PDE4B: variants seen among roughly 807,000 people sequenced by gnomAD.
The protein encoded by PDE4B is phosphodiesterase 4B.
Under a neutral mutation model 82.2 loss-of-function variants are expected in PDE4B, and 20 were observed. That is an observed-to-expected ratio of 0.24 (90% CI 0.17 to 0.35). PDE4B has a LOEUF of 0.35. PDE4B is among the 10% of genes least tolerant of loss of function. PDE4B has a pLI of 1.00. For missense variants in PDE4B, 655 were observed against 907.2 expected, an observed-to-expected ratio of 0.72 and a Z score of 3.57; for synonymous variants, 320 against 318.9, an observed-to-expected ratio of 1.00 and a Z score of -0.04.
At chr1:66,024,730 T>A (rs946774325) in intron 3 of PDE4B, among the ~76,000 whole-genome samples, 2 of 152,084 alleles carry the variant, frequency 1.3e-5, no homozygotes, top group African/African-American at 4.8e-5. Context: ...GATGAATCTT[T>A]TTCACCATTA....
At chr1:66,293,705 C>T (rs756335396) in intron 7 of PDE4B, among the ~76,000 whole-genome samples, 12 of 152,252 alleles carry the variant, frequency 7.9e-5, no homozygotes, top group Non-Finnish European at 1.0e-4. Context: ...CACACAAAAT[C>T]TTCAGAAAAA....
At chr1:66,117,484 G>A (rs1432046029) in intron 3 of PDE4B, among the ~76,000 whole-genome samples, 1 of 152,042 alleles carries the variant, frequency 6.6e-6, no homozygotes, top group Admixed American at 6.6e-5. Context: ...TAATACTGGT[G>A]GATATAATAT....
chr1:66,049,755 C>T (rs1654913745), intron 3 of PDE4B, among the ~76,000 whole-genome samples: 1 of 151,938 alleles, frequency 6.6e-6, no homozygotes, highest in African/African-American at 2.4e-5. Flanking sequence ...ATGTGGAAGG[C>T]AGCAAGGTGG....
rs1175341881 is a variant in PDE4B at position 66,232,543 on chromosome 1, C to T, written c.282-14917C>T. Among the ~76,000 whole-genome samples the T allele has an allele frequency of 5.9e-5, 9 of 152,118 alleles. No homozygotes were observed. The South Asian group carries it at 1.2e-3, about 21-fold the overall frequency. ...AGCTTGATAAAATCACCTAGGAAAT[C>T]GGTGTAGAAAAAGAAAAGAGCGTAA... On this transcript the variant is annotated intron_variant, in intron 3 of 16. Coordinates refer to ENST00000341517, the MANE Select transcript of PDE4B (RefSeq NM_002600.4).
chr1:66,117,020 CCT>C (rs1299819758), intron 3 of PDE4B, among the ~76,000 whole-genome samples: 1 of 152,130 alleles, frequency 6.6e-6, no homozygotes, highest in Non-Finnish European at 1.5e-5. Context: ...TGCCCCATAC[CCT>C]CTCTTGATCA....
At chr1:66,198,428 C>T (rs1049844234) in intron 3 of PDE4B, among the ~76,000 whole-genome samples, 1 of 152,058 alleles carries the variant, frequency 6.6e-6, no homozygotes, top group African/African-American at 2.4e-5. Flanking sequence ...TTGTATTTGA[C>T]AAAACATTCA....
intron 1 of PDE4B, among the ~76,000 whole-genome samples, chr1:65,863,413 T>C (rs1646476694): frequency 6.6e-6 from 1 of 152,254 alleles, no homozygotes; most frequent in Non-Finnish European, 1.5e-5. Flanking sequence ...TGAGGAGTGC[T>C]TTACTTCCAA....
chr1:66,098,979 C>T (rs1645168224), intron 3 of PDE4B, among the ~76,000 whole-genome samples: 1 of 152,088 alleles, frequency 6.6e-6, no homozygotes, highest in African/African-American at 2.4e-5. Context: ...TTCTCAGATC[C>T]TTTGTTCCTG....
intron 3 of PDE4B, among the ~76,000 whole-genome samples, chr1:66,067,768 C>G (rs1655937525): frequency 1.3e-5 from 2 of 151,910 alleles, no homozygotes; most frequent in African/African-American, 4.8e-5. Flanking sequence ...TTGCCCATGC[C>G]TATGTCCTAT....
intron 3 of PDE4B, among the ~76,000 whole-genome samples, chr1:66,123,630 C>T (rs1404490916): frequency 1.3e-5 from 2 of 151,356 alleles, no homozygotes; most frequent in Non-Finnish European, 2.9e-5. Flanking sequence ...GTTAAGCTGG[C>T]AAATATTGCC....
At chr1:66,297,492 G>A (rs1657593812) in intron 7 of PDE4B, among the ~76,000 whole-genome samples, 1 of 152,060 alleles carries the variant, frequency 6.6e-6, no homozygotes, top group Admixed American at 6.6e-5. Flanking sequence ...CCAAATAAAA[G>A]GATGGCATTG....
At chr1:66,174,617 G>A (rs1000213467) in intron 3 of PDE4B, among the ~76,000 whole-genome samples, 19 of 152,120 alleles carry the variant, frequency 1.2e-4, no homozygotes, top group Middle Eastern at 3.4e-3. Flanking sequence ...TTAGCCAGGC[G>A]TGGTGGCACA....
intron 3 of PDE4B, among the ~76,000 whole-genome samples, chr1:66,036,375 G>T (rs192986553): frequency 1.5e-4 from 23 of 152,080 alleles, no homozygotes; most frequent in Non-Finnish European, 3.2e-4. Flanking sequence ...TGCTTTTGGG[G>T]TCATATCCAA....
chr1:66,090,140 A>G (rs1487007387), intron 3 of PDE4B, among the ~76,000 whole-genome samples: 1 of 152,016 alleles, frequency 6.6e-6, no homozygotes, highest in Non-Finnish European at 1.5e-5. Context: ...ACCTTAGCTA[A>G]TATACAGATA....
At chr1:66,027,359 G>A (rs1305610467) in intron 3 of PDE4B, among the ~76,000 whole-genome samples, 1 of 152,116 alleles carries the variant, frequency 6.6e-6, no homozygotes, top group Non-Finnish European at 1.5e-5. Context: ...TGGCCCCCAT[G>A]AGTCAATTAC....
chr1:65,875,717 C>T (rs12759968), intron 1 of PDE4B, among the ~76,000 whole-genome samples: 17,303 of 147,278 alleles, frequency 0.12, 1,272 homozygotes, highest in Non-Finnish European at 0.17. Context: ...AAGCAAACAC[C>T]GCATATTCTC....
rs75765634 is a variant in PDE4B, at chr1:66,347,107, G to A, written c.748-8420G>A. On this transcript the variant is annotated intron_variant, in intron 8 of 16. Transcript: ENST00000341517. ...GACGTTGGGTTAGCTGAGGTCACTG[G>A]TAAGGCAAACCTGCAACCAGCACTC... is the stretch of plus-strand genomic sequence containing the variant. 4.0e-3 allele frequency among the ~76,000 whole-genome samples: 606 copies of A among 152,200 alleles called. 4 individuals carry two copies. Among genetic ancestry groups the A allele is most frequent in the African/African-American group, 0.014 (561 of 41,534 alleles).
chr1:66,275,765 C>G (rs1557673649), intron 7 of PDE4B, among the ~76,000 whole-genome samples: 1 of 152,154 alleles, frequency 6.6e-6, no homozygotes, highest in African/African-American at 2.4e-5. Flanking sequence ...AGGGAACAGC[C>G]TTTCACCCAA....
chr1:66,271,337 G>A (rs965410894), intron 7 of PDE4B, among the ~76,000 whole-genome samples: 3 of 152,120 alleles, frequency 2.0e-5, no homozygotes, highest in East Asian at 1.9e-4. Flanking sequence ...AGTCCGTTCC[G>A]TGTTGACTCC....
Sources: gnomAD v4.1 joint callset for allele counts (sites outside exome capture counted in the v4.1 genomes callset) on GRCh38, gnomAD v4.1.1 for gene constraint, MANE v1.5 for transcripts, NCBI Gene and HGNC (gene_info 2026-07-23, HGNC 2026-07-21) for gene names.